The following OSBPL10 variants were observed in gnomAD, a reference collection of about 807,000 sequenced individuals.
OSBPL10 encodes oxysterol-binding protein-related protein 10.
Under a neutral mutation model 81.7 loss-of-function variants are expected in OSBPL10, and 49 were observed. The observed-to-expected ratio is 0.60, with a 90% CI of 0.48 to 0.76. OSBPL10 has a LOEUF of 0.76. OSBPL10 is among the 30% of genes least tolerant of loss of function. The pLI is 0.00. For missense variants in OSBPL10, 923 were observed against 987.8 expected, an observed-to-expected ratio of 0.93 and a Z score of 0.88; for synonymous variants, 419 against 383.6, an observed-to-expected ratio of 1.09 and a Z score of -1.08.
In OSBPL10 at chr3:31,733,374, G is replaced by A; in HGVS notation, c.978C>T (p.Ser326=). ...GTGTCCCATTTTTCAGCTGCTCTGT[G>A]GAATGTGACTTGGACCCGTGCCATC... is the stretch of plus-strand genomic sequence containing the variant. ...ILGWHGSKSH[S]TEQLKNGTLG... The change falls in exon 6 of 12, where the codon TCC becomes TCT. Residue 326 remains serine, a synonymous_variant. Transcript: ENST00000396556. The A allele has an allele frequency of 1.2e-6, 2 of 1,614,134 alleles. No individual in the cohort carries two copies. The highest frequency in any genetic ancestry group is 1.7e-6 in the Non-Finnish European group (2 of 1,180,002).
At chr3:31,878,413 C>T (rs1377632838) in intron 2 of OSBPL10, among the ~76,000 whole-genome samples, 1 of 152,200 alleles carries the variant, frequency 6.6e-6, no homozygotes, top group Non-Finnish European at 1.5e-5. Flanking sequence ...ATGCACACTG[C>T]ATGAATCTCA....
intron 6 of OSBPL10, among the ~76,000 whole-genome samples, chr3:31,725,165 A>G (rs1696767179): frequency 1.3e-5 from 2 of 152,274 alleles, no homozygotes. Flanking sequence ...GGCTCCATTC[A>G]ATGCCCACTA....
chr3:31,716,690 A>G (rs1331859706), intron 6 of OSBPL10, among the ~76,000 whole-genome samples: 1 of 152,228 alleles, frequency 6.6e-6, no homozygotes, highest in Admixed American at 6.5e-5. Flanking sequence ...ATCCAAACAC[A>G]GACATATGGA....
intron 6 of OSBPL10, among the ~76,000 whole-genome samples, chr3:31,724,907 T>G (rs1243817907): frequency 1.3e-5 from 2 of 152,126 alleles, no homozygotes; most frequent in Non-Finnish European, 2.9e-5. Context: ...GAGATAACCA[T>G]AGAAGCACAT....
At chr3:31,819,278 G>A (rs1480291610) in intron 4 of OSBPL10, among the ~76,000 whole-genome samples, 1 of 152,222 alleles carries the variant, frequency 6.6e-6, no homozygotes, top group Admixed American at 6.5e-5. Flanking sequence ...CCCTCTCTGA[G>A]ACCTCAGTTT....
intron 1 of OSBPL10, among the ~76,000 whole-genome samples, chr3:32,069,859 C>T (rs184124570): frequency 6.6e-6 from 1 of 152,320 alleles, no homozygotes; most frequent in African/African-American, 2.4e-5. Context: ...AAAACATCCT[C>T]GTGGACCTTG....
At chr3:31,843,535 C>G (rs975481517) in intron 3 of OSBPL10, among the ~76,000 whole-genome samples, 1 of 152,136 alleles carries the variant, frequency 6.6e-6, no homozygotes, top group Non-Finnish European at 1.5e-5. Flanking sequence ...CTGGGAGAAC[C>G]CATCTAAAAC....
chr3:31,963,140 T>C (rs146030833), intron 1 of OSBPL10, among the ~76,000 whole-genome samples: 3 of 152,242 alleles, frequency 2.0e-5, no homozygotes, highest in South Asian at 2.1e-4. Flanking sequence ...TCAAAAATTA[T>C]TGATGTTTGC....
intron 1 of OSBPL10, among the ~76,000 whole-genome samples, chr3:32,052,163 C>T (rs1051833566): frequency 2.0e-5 from 3 of 151,354 alleles, no homozygotes; most frequent in African/African-American, 7.3e-5. Context: ...GGGAGGATCA[C>T]TTGAGCCTGG....
In OSBPL10 at chr3:31,663,517, G is replaced by C. The variant is rs992174698; in HGVS notation, c.2250+562C>G. 3 of 998,894 alleles carry C rather than the reference G, an allele frequency of 3.0e-6. No homozygotes were observed. In the African/African-American group the frequency reaches 5.2e-5, roughly 17 times the overall value. 61.9% of individuals were successfully genotyped at this position (998,894 alleles called of 1,614,324 possible). A position where few individuals can be genotyped will look rare whatever the true frequency, so the allele number is the denominator to read the frequency against. The stretch of plus-strand genomic sequence containing the variant: ...ACACAGTGCCCTGCCCACTTGCCCA[G>C]ATATTATTTCTAGCTTCTAGTGTCA... On this transcript the variant is annotated intron_variant, in intron 11 of 11. Transcript: ENST00000396556.
intron 8 of OSBPL10, among the ~76,000 whole-genome samples, chr3:31,671,318 G>A (rs73826842): frequency 0.013 from 1,937 of 152,294 alleles, 47 homozygotes; most frequent in African/African-American, 0.045. Context: ...GACTGACCTG[G>A]TAAGGGAAGG....
At chr3:31,764,696 C>T (rs7621973) in intron 4 of OSBPL10, among the ~76,000 whole-genome samples, 106,412 of 152,062 alleles carry the variant, frequency 0.7, 38,209 homozygotes, top group East Asian at 0.81. Context: ...GCTTAACCAT[C>T]ATTTCTCTCC....
At chr3:32,008,679 A>C (rs560255293) in intron 2 of OSBPL10, among the ~76,000 whole-genome samples, 4 of 151,494 alleles carry the variant, frequency 2.6e-5, no homozygotes, top group African/African-American at 4.8e-5. Context: ...AAGCCCAGGC[A>C]GTCGAGGCTG....
chr3:32,047,277 T>TGAAAACAA (rs764405563), intron 1 of OSBPL10, among the ~76,000 whole-genome samples: 23 of 152,126 alleles, frequency 1.5e-4, no homozygotes, highest in Non-Finnish European at 2.8e-4. Flanking sequence ...TGCCTGGCCT[T>TGAAAACAA]GAAAACAAGT....
intron 1 of OSBPL10, among the ~76,000 whole-genome samples, chr3:31,967,802 T>C (rs946857237): frequency 1.3e-5 from 2 of 152,210 alleles, no homozygotes; most frequent in Admixed American, 1.3e-4. Context: ...CAATCATTTT[T>C]ATCACACCTG....
intron 4 of OSBPL10, among the ~76,000 whole-genome samples, chr3:31,780,716 A>G (rs1698669777): frequency 2.0e-5 from 3 of 152,136 alleles, no homozygotes; most frequent in African/African-American, 7.2e-5. Context: ...TAGAGGAGAT[A>G]GATAAATTCC....
intron 7 of OSBPL10, among the ~76,000 whole-genome samples, chr3:31,696,584 T>C (rs1324338807): frequency 3.9e-5 from 6 of 152,254 alleles, no homozygotes; most frequent in Non-Finnish European, 8.8e-5. Flanking sequence ...TACTCTCTCT[T>C]CACGTGGCTT....
chr3:31,727,528 C>T (rs1696846342), intron 6 of OSBPL10, among the ~76,000 whole-genome samples: 1 of 152,116 alleles, frequency 6.6e-6, no homozygotes, highest in African/African-American at 2.4e-5. Flanking sequence ...TAAACTTGAT[C>T]AATGATATTT....
At chr3:31,662,503 G>A (rs548141780) in intron 11 of OSBPL10, 1 of 1,014,476 alleles carries the variant, frequency 9.9e-7, no homozygotes, top group African/African-American at 1.7e-5. Flanking sequence ...CCAGCCCACA[G>A]GGGAACACCC....
Sources: allele counts gnomAD v4.1 joint callset (sites outside exome capture counted in the v4.1 genomes callset), GRCh38; gene constraint gnomAD v4.1.1; transcripts MANE v1.5; gene names NCBI Gene and HGNC (gene_info 2026-07-23, HGNC 2026-07-21).